Variants in INVS observed in about 807,000 individuals in gnomAD.
INVS encodes the protein inversin, also known as inversion of embryo turning homolog.
A neutral mutation model predicts 108.8 loss-of-function variants in INVS; 86 were observed. The observed-to-expected ratio is 0.79, with a 90% CI of 0.66 to 0.95. INVS has a LOEUF of 0.95. Ranked by LOEUF, INVS falls within the 40% of genes least tolerant of loss-of-function variation. The pLI is 0.00. For missense variants in INVS, 1,169 were observed against 1,297.4 expected (o/e 0.90, Z 1.52); for synonymous variants, 455 against 473.5 (o/e 0.96, Z 0.51).
intron 3 of INVS, among the ~76,000 whole-genome samples, chr9:100,128,178 C>T (rs1827945974): frequency 1.3e-5 from 2 of 152,152 alleles, no homozygotes; most frequent in African/African-American, 4.8e-5. Flanking sequence ...GACATGTTAG[C>T]TGTAATCTTT....
At chr9:100,133,005 T>C (rs1828098116) in intron 3 of INVS, among the ~76,000 whole-genome samples, 1 of 152,122 alleles carries the variant, frequency 6.6e-6, no homozygotes, top group African/African-American at 2.4e-5. Flanking sequence ...CTCAGGAGGC[T>C]GAGGCAGGAG....
intron 5 of INVS, among the ~76,000 whole-genome samples, chr9:100,238,360 A>T (rs1367975358): frequency 6.6e-6 from 1 of 152,138 alleles, no homozygotes; most frequent in Non-Finnish European, 1.5e-5. Context: ...TACATGATGT[A>T]TCTTTTCTCT....
chr9:100,118,172 G>A (rs1481963915), intron 2 of INVS, among the ~76,000 whole-genome samples: 1 of 151,790 alleles, frequency 6.6e-6, no homozygotes, highest in African/African-American at 2.4e-5. Context: ...AAAGTGCTGG[G>A]ATTACAGGCA....
intron 3 of INVS, among the ~76,000 whole-genome samples, chr9:100,203,070 C>G (rs146716383): frequency 0.01 from 1,558 of 152,290 alleles, 17 homozygotes; most frequent in Non-Finnish European, 0.015. Context: ...CACCATAGCT[C>G]TCAGCAAATT....
chr9:100,225,708 G>GA (rs912062789), intron 3 of INVS, among the ~76,000 whole-genome samples: 3 of 150,578 alleles, frequency 2.0e-5, no homozygotes, highest in East Asian at 1.9e-4. Context: ...AAAAAATTAA[G>GA]AAAAAAAATG....
intron 13 of INVS, among the ~76,000 whole-genome samples, chr9:100,286,975 C>G (rs142175622): frequency 1.7e-3 from 262 of 152,302 alleles, no homozygotes; most frequent in Middle Eastern, 6.8e-3. Context: ...CTTCCATTAT[C>G]TACTGCTGTA....
Position 100,273,004 on chromosome 9 carries a change from T to C in INVS, c.1712T>C (p.Val571Ala), listed in dbSNP as rs1236753815. 2 of 1,613,804 alleles carry C rather than the reference T, an allele frequency of 1.2e-6. No individual in the cohort carries two copies. Among genetic ancestry groups the C allele is most frequent in the Admixed American group, 3.3e-5 (2 of 59,966 alleles). ...CAAGCTGTCTACAAAGGGTACAAGG[T>C]CAGAAAAGCCTTCCGAGACAGGAAA... ...KIQAVYKGYK[V>A]RKAFRDRKNL... The change falls in exon 12 of 17, where the codon GTC (valine) becomes GCC (alanine). Residue 571 changes from valine to alanine, a missense_variant. By Grantham distance (64) the Val-to-Ala change is moderately conservative (BLOSUM62 0). Transcript: ENST00000262457.
rs1833840743 is a variant in INVS at position 100,298,014 on chromosome 9, A to C, written c.3091+4A>C. On this transcript the variant is annotated splice_donor_region_variant and intron_variant, in intron 16 of 16. Coordinates refer to ENST00000262457, the MANE Select transcript of INVS (RefSeq NM_014425.5). ...TCTGTGCTGCGTCTCAACTCAGGTA[A>C]GGCAGCCACTGCAAAGCAGATGGTG... 6.2e-7 allele frequency: 1 copy of C among 1,614,020 alleles called. No homozygotes were observed. The highest frequency in any genetic ancestry group is 1.3e-5 in the African/African-American group (1 of 74,938).
chr9:100,264,793 A>T (rs890510614), intron 10 of INVS, 29 bp from the exon 11 acceptor site: 1 of 1,403,002 alleles, frequency 7.1e-7, no homozygotes. Context: ...CTTACTCCAG[A>T]TGTACTTGAT....
chr9:100,253,168 T>G (rs756921361), intron 10 of INVS, 32 bp downstream of exon 10: 3 of 1,517,940 alleles, frequency 2.0e-6, no homozygotes, highest in Admixed American at 1.7e-5. Flanking sequence ...TATTGTTTGC[T>G]CCAAAGAATT....
rs112864879 is a variant in INVS, at chr9:100,258,342, G to A, written c.1464+5206G>A. On this transcript the variant is annotated intron_variant, in intron 10 of 16. Transcript: ENST00000262457. ...AAAGTTTTTATCTTCTTTGCAATGG[G>A]TTCGAACATGCTCCTTTAGCTCGGA... Among the ~76,000 whole-genome samples the A allele has an allele frequency of 5.6e-3, 858 of 152,222 alleles. 11 individuals are homozygous for A. The highest frequency in any genetic ancestry group is 0.019 in the African/African-American group (790 of 41,542).
intron 3 of INVS, among the ~76,000 whole-genome samples, chr9:100,147,992 T>A (rs1334187436): frequency 1.5e-5 from 2 of 135,132 alleles, no homozygotes; most frequent in Non-Finnish European, 3.1e-5. Flanking sequence ...GAGACCAGTC[T>A]GGGCAACAAA....
intron 12 of INVS, among the ~76,000 whole-genome samples, chr9:100,282,903 T>TGG (rs775323329): frequency 2.6e-5 from 4 of 152,242 alleles, no homozygotes; most frequent in Non-Finnish European, 4.4e-5. Context: ...CTGGATCACC[T>TGG]GGGTGCTTGC....
chr9:100,302,042 A>ATTAT lies in INVS; in HGVS notation c.*1371_*1374dup, dbSNP rs1213630800. 5.2e-5 allele frequency: 27 copies of ATTAT among 516,942 alleles called. No individual in the cohort carries two copies. In the Admixed American group the frequency reaches 8.4e-4, roughly 16 times the overall value. The allele number at this position is 516,942 out of a possible 1,614,324, so 32.0% of individuals were successfully genotyped here. A position where few individuals can be genotyped will look rare whatever the true frequency, so the allele number is the denominator to read the frequency against. On this transcript the variant is annotated 3_prime_UTR_variant, in exon 17 of 17. Coordinates refer to ENST00000262457, the MANE Select transcript of INVS (RefSeq NM_014425.5). ...TACACATCAATAGGAACGCCCAAAC[A>ATTAT]TTATTTTCATATATCAGTGCAAAGA...
intron 3 of INVS, among the ~76,000 whole-genome samples, chr9:100,127,211 ATTAAT>A (rs1354462818): frequency 2.6e-5 from 4 of 152,070 alleles, no homozygotes; most frequent in Non-Finnish European, 5.9e-5. Flanking sequence ...TAATTAATTA[ATTAAT>A]TTAATTTAAT....
intron 3 of INVS, among the ~76,000 whole-genome samples, chr9:100,182,153 A>G (rs1197836798): frequency 1.3e-5 from 2 of 152,238 alleles, no homozygotes; most frequent in Non-Finnish European, 2.9e-5. Context: ...ACCTAAAACC[A>G]TAAAAACGCT....
At chr9:100,116,841 A>C in intron 2 of INVS, 1 of 1,278,000 alleles carries the variant, frequency 7.8e-7, no homozygotes, top group South Asian at 1.4e-5. Flanking sequence ...AATTCCTGAC[A>C]GGGAGACTTG....
intron 3 of INVS, among the ~76,000 whole-genome samples, chr9:100,208,037 A>G (rs1367482985): frequency 6.6e-6 from 1 of 152,204 alleles, no homozygotes; most frequent in East Asian, 1.9e-4. Flanking sequence ...AGATTGACAC[A>G]ACTAAAATAG....
intron 3 of INVS, chr9:100,175,900 T>G: frequency 3.4e-6 from 2 of 593,028 alleles, no homozygotes; most frequent in South Asian, 2.7e-5. Flanking sequence ...TGCATGCGGT[T>G]CCAGCAAATT....
Sources: allele counts gnomAD v4.1 joint callset (sites outside exome capture counted in the v4.1 genomes callset), GRCh38; gene constraint gnomAD v4.1.1; transcripts MANE v1.5; gene names NCBI Gene and HGNC (gene_info 2026-07-23, HGNC 2026-07-21).